Variants in ITPR2 observed in about 807,000 individuals in gnomAD.
ITPR2 encodes inositol 1,4,5-trisphosphate-gated calcium channel ITPR2.
A neutral mutation model predicts 317.1 loss-of-function variants in ITPR2; 207 were observed. The observed-to-expected ratio is 0.65, with a 90% CI of 0.58 to 0.73. ITPR2 has a LOEUF of 0.73. Among genes scored for constraint, ITPR2 ranks in the 30% least tolerant of loss-of-function variants. The pLI, the probability that ITPR2 is intolerant of heterozygous loss-of-function variation, is 0.00. For missense variants in ITPR2, 2,613 were observed against 3,284.0 expected, an observed-to-expected ratio of 0.80 and a Z score of 4.99; for synonymous variants, 1,156 against 1,149.1, an observed-to-expected ratio of 1.01 and a Z score of -0.12.
intron 9 of ITPR2, among the ~76,000 whole-genome samples, chr12:26,708,571 G>A (rs939121051): frequency 6.6e-6 from 1 of 152,146 alleles, no homozygotes; most frequent in Admixed American, 6.6e-5. Flanking sequence ...TATGAAGCTA[G>A]GGAGTAGAAG....
intron 37 of ITPR2, among the ~76,000 whole-genome samples, chr12:26,537,716 T>C (rs1458688003): frequency 6.6e-6 from 1 of 152,242 alleles, no homozygotes; most frequent in Non-Finnish European, 1.5e-5. Context: ...ATTTGTTTTC[T>C]GTATTCCATG....
At chr12:26,650,841 C>A (rs1323676405) in intron 21 of ITPR2, among the ~76,000 whole-genome samples, 1 of 152,122 alleles carries the variant, frequency 6.6e-6, no homozygotes, top group Non-Finnish European at 1.5e-5. Flanking sequence ...TTAATATAGA[C>A]CCCTGCATGT....
At chr12:26,647,393 G>T (rs528589441) in intron 21 of ITPR2, among the ~76,000 whole-genome samples, 1 of 152,218 alleles carries the variant, frequency 6.6e-6, no homozygotes, top group Non-Finnish European at 1.5e-5. Context: ...CTCTCCAGTA[G>T]AATAAAATAT....
Position 26,787,593 on chromosome 12 carries a change from C to T in ITPR2, c.163+2564G>A, listed in dbSNP as rs1298963833. ...GAAAGAGGGAAAGAGGAAAGGCACC[C>T]ATGAAGCGTAAATGTTTATCTTTGA... On this transcript the variant is annotated intron_variant, in intron 2 of 56. Coordinates refer to ENST00000381340, the MANE Select transcript of ITPR2 (RefSeq NM_002223.4). Among the ~76,000 whole-genome samples the T allele has an allele frequency of 2.0e-5, 3 of 152,244 alleles. No homozygotes were observed. The East Asian group carries it at 5.8e-4, about 29-fold the overall frequency.
At chr12:26,576,063 C>T (rs868690592) in intron 34 of ITPR2, among the ~76,000 whole-genome samples, 1 of 152,194 alleles carries the variant, frequency 6.6e-6, no homozygotes, top group Non-Finnish European at 1.5e-5. Flanking sequence ...AAGAAAAATA[C>T]TTAGCAGCTA....
At chr12:26,584,641 A>G (rs763894607) in intron 32 of ITPR2, among the ~76,000 whole-genome samples, 21 of 152,212 alleles carry the variant, frequency 1.4e-4, no homozygotes, top group Non-Finnish European at 2.6e-4. Flanking sequence ...GTGATGTCCA[A>G]TATGGTAGCC....
intron 33 of ITPR2, among the ~76,000 whole-genome samples, chr12:26,579,225 T>C (rs1555160214): frequency 6.6e-6 from 1 of 152,172 alleles, no homozygotes; most frequent in Non-Finnish European, 1.5e-5. Flanking sequence ...CATTTTGAAC[T>C]ACAGAAACAA....
In ITPR2 at chr12:26,589,824, AT is replaced by A. The variant is rs1565624300; in HGVS notation, c.4380+5640del. On this transcript the variant is annotated intron_variant, in intron 32 of 56. Coordinates refer to ENST00000381340, the MANE Select transcript of ITPR2 (RefSeq NM_002223.4). The stretch of plus-strand genomic sequence containing the variant: ...AAATAAATAAAAAATAAATAAATAA[AT>A]AAATAAACATATATATATATATATA... 1.4e-3 allele frequency among the ~76,000 whole-genome samples: 49 copies of A among 35,164 alleles called. 7 individuals carry two copies. The highest frequency in any genetic ancestry group is 2.2e-3 in the Admixed American group (7 of 3,214). 23.1% of individuals were successfully genotyped at this position (35,164 alleles called of 152,430 possible).
chr12:26,403,039 A>G (rs1478500387), intron 52 of ITPR2, among the ~76,000 whole-genome samples: 1 of 152,214 alleles, frequency 6.6e-6, no homozygotes, highest in African/African-American at 2.4e-5. Context: ...GAGGCAAAAC[A>G]GATGCATATC....
At chr12:26,756,681 G>C (rs1004450524) in intron 2 of ITPR2, among the ~76,000 whole-genome samples, 1 of 152,148 alleles carries the variant, frequency 6.6e-6, no homozygotes, top group East Asian at 1.9e-4. Flanking sequence ...GATGCTAATA[G>C]GCAGAAATAC....
chr12:26,344,901 T>C (rs1179521824), intron 55 of ITPR2, among the ~76,000 whole-genome samples: 1 of 152,190 alleles, frequency 6.6e-6, no homozygotes, highest in Non-Finnish European at 1.5e-5. Flanking sequence ...TTCCTAAATA[T>C]TATTCTGTCT....
intron 13 of ITPR2, among the ~76,000 whole-genome samples, chr12:26,679,950 T>C (rs1947997935): frequency 6.6e-6 from 1 of 151,978 alleles, no homozygotes; most frequent in Non-Finnish European, 1.5e-5. Flanking sequence ...AATTTTAATA[T>C]GCAAATGTTT....
intron 2 of ITPR2, among the ~76,000 whole-genome samples, chr12:26,741,618 C>T (rs750881094): frequency 2.6e-5 from 4 of 152,114 alleles, no homozygotes; most frequent in Non-Finnish European, 5.9e-5. Flanking sequence ...GAGCCTACAG[C>T]GGATGGGATT....
chr12:26,464,617 C>T (rs1198915843), intron 45 of ITPR2, among the ~76,000 whole-genome samples: 1 of 152,238 alleles, frequency 6.6e-6, no homozygotes, highest in African/African-American at 2.4e-5. Flanking sequence ...TACTCTCTCA[C>T]TCAATGAATC....
At chr12:26,586,849 T>C (rs889602935) in intron 32 of ITPR2, among the ~76,000 whole-genome samples, 1 of 152,168 alleles carries the variant, frequency 6.6e-6, no homozygotes, top group Non-Finnish European at 1.5e-5. Context: ...GCCAGATCCA[T>C]TCATGTTTGT....
rs2136685660 is a variant in ITPR2 at position 26,419,205 on chromosome 12, A to G, written c.6954T>C (p.Asn2318=). 1 of 1,613,436 alleles carries G rather than the reference A, an allele frequency of 6.2e-7. No homozygotes were observed. The highest frequency in any genetic ancestry group is 1.1e-5 in the South Asian group (1 of 91,034). ...LILLGAANLC[N]KIVFLVSFVG... is the part of the protein sequence containing the mutation. ...CAAAACTCACCAGAAAAACAATTTT[A>G]TTACAAAGCTAAAGGGAGGAAAGGG... The change falls in exon 50 of 57, where the codon AAT becomes AAC. Residue 2318 remains asparagine, a synonymous_variant. Coordinates refer to ENST00000381340, the MANE Select transcript of ITPR2 (RefSeq NM_002223.4).
chr12:26,570,542 C>A (rs79131600), intron 34 of ITPR2, among the ~76,000 whole-genome samples: 2,004 of 152,196 alleles, frequency 0.013, 25 homozygotes, highest in Middle Eastern at 0.024. Flanking sequence ...TCTACATGTA[C>A]AATTTTTTGG....
intron 37 of ITPR2, among the ~76,000 whole-genome samples, chr12:26,506,976 T>C (rs1943205109): frequency 6.6e-6 from 1 of 152,218 alleles, no homozygotes; most frequent in Non-Finnish European, 1.5e-5. Flanking sequence ...TTTTACCTCA[T>C]TTTTCCTCAT....
intron 1 of ITPR2, among the ~76,000 whole-genome samples, chr12:26,793,195 G>A (rs567810627): frequency 6.6e-6 from 1 of 152,168 alleles, no homozygotes; most frequent in East Asian, 1.9e-4. Context: ...ACCAAATAGG[G>A]ATAAATACAA....
Sources: gnomAD v4.1 joint callset for allele counts (sites outside exome capture counted in the v4.1 genomes callset) on GRCh38, gnomAD v4.1.1 for gene constraint, MANE v1.5 for transcripts, NCBI Gene and HGNC (gene_info 2026-07-23, HGNC 2026-07-21) for gene names.